SMAD3: variants seen among roughly 807,000 people sequenced by gnomAD.
SMAD3 encodes MAD homolog 3.
SMAD3 carries 12 observed loss-of-function variants against 51.8 expected under a neutral mutation model. That is an observed-to-expected ratio of 0.23 (90% CI 0.15 to 0.38). SMAD3 has a LOEUF of 0.38. SMAD3 is among the 10% of genes least tolerant of loss of function. The pLI, the probability that SMAD3 is intolerant of heterozygous loss-of-function variation, is 1.00. For missense variants in SMAD3, 294 were observed against 565.6 expected, an observed-to-expected ratio of 0.52 and a Z score of 4.87; for synonymous variants, 238 against 227.7, an observed-to-expected ratio of 1.05 and a Z score of -0.41.
intron 1 of SMAD3, among the ~76,000 whole-genome samples, chr15:67,161,444 T>C (rs1962429034): frequency 6.6e-6 from 1 of 152,188 alleles, no homozygotes. Context: ...CACAGCCCCA[T>C]TCTCCCCCGC....
At chr15:67,093,306 C>G (rs1350353010) in intron 1 of SMAD3, among the ~76,000 whole-genome samples, 2 of 152,186 alleles carry the variant, frequency 1.3e-5, no homozygotes, top group African/African-American at 2.4e-5. Context: ...CCTTGAACAC[C>G]TTAGCGGGCC....
At chr15:67,143,177 T>G (rs1237653737) in intron 1 of SMAD3, 2 of 181,290 alleles carry the variant, frequency 1.1e-5, no homozygotes, top group Non-Finnish European at 2.4e-5. Flanking sequence ...TCTGTATGAT[T>G]ATTTTTTGCA....
At chr15:67,134,664 T>G (rs1385203511) in intron 1 of SMAD3, among the ~76,000 whole-genome samples, 1 of 152,210 alleles carries the variant, frequency 6.6e-6, no homozygotes, top group Non-Finnish European at 1.5e-5. Flanking sequence ...TACCACATAC[T>G]GTGGGTGTTG....
At chr15:67,107,965 TC>T (rs138958033) in intron 1 of SMAD3, among the ~76,000 whole-genome samples, 1 of 124,640 alleles carries the variant, frequency 8.0e-6, no homozygotes, top group South Asian at 2.8e-4. Context: ...TGCTCTCCTC[TC>T]CCCCCCACCC....
intron 1 of SMAD3, among the ~76,000 whole-genome samples, chr15:67,068,359 T>A (rs1257596507): frequency 6.6e-6 from 1 of 152,184 alleles, no homozygotes; most frequent in East Asian, 1.9e-4. Context: ...TGTGGATCTT[T>A]GTATGTGCGG....
chr15:67,077,793 G>C (rs527635436), intron 1 of SMAD3, among the ~76,000 whole-genome samples: 1 of 152,204 alleles, frequency 6.6e-6, no homozygotes, highest in East Asian at 1.9e-4. Context: ...ATCTAGGGAA[G>C]GCAAGACAGT....
chr15:67,182,998 A>ATATATAT (rs1444218521), intron 6 of SMAD3, among the ~76,000 whole-genome samples: 17 of 49,030 alleles, frequency 3.5e-4, no homozygotes, highest in African/African-American at 6.2e-4. Flanking sequence ...AAAAAAAAAA[A>ATATATAT]AAATATATAT....
chr15:67,164,877 C>T lies in SMAD3; in HGVS notation c.207-18C>T, dbSNP rs1340143711. Reference sequence around the variant, plus strand: ...AATCCACATTTCCCTCTCTTTCTGCCCCTCCCCGTCCTGGCAGGTCCCTGG... The same window carrying T: ...AATCCACATTTCCCTCTCTTTCTGCTCCTCCCCGTCCTGGCAGGTCCCTGG... On this transcript the variant is annotated intron_variant, in intron 1 of 8. Coordinates refer to ENST00000327367, the MANE Select transcript of SMAD3 (RefSeq NM_005902.4). 5 of 1,612,234 alleles carry T rather than the reference C, an allele frequency of 3.1e-6. No homozygotes were observed. The highest frequency in any genetic ancestry group is 4.5e-5 in the East Asian group (2 of 44,890).
chr15:67,184,992 T>A, intron 7 of SMAD3, 128 bp downstream of exon 7: 1 of 1,232,958 alleles, frequency 8.1e-7, no homozygotes. Flanking sequence ...CTGGAGGTGA[T>A]TGGATTAGGT....
At chr15:67,111,257 TG>T (rs1391739819) in intron 1 of SMAD3, among the ~76,000 whole-genome samples, 1 of 152,260 alleles carries the variant, frequency 6.6e-6, no homozygotes, top group African/African-American at 2.4e-5. Context: ...TGTGGACTTT[TG>T]TGTTTGACTT....
intron 1 of SMAD3, among the ~76,000 whole-genome samples, chr15:67,080,389 T>C (rs959971110): frequency 6.6e-6 from 1 of 151,722 alleles, no homozygotes; most frequent in African/African-American, 2.4e-5. Flanking sequence ...GGAAAGGAGG[T>C]GGAGGTCAAG....
rs5813430 is a variant in SMAD3, at chr15:67,178,673, A to ATTT, written c.659-2558_659-2556dup. The stretch of plus-strand genomic sequence containing the variant: ...CTCTGAATGCTTGGGTTGCACTTGG[A>ATTT]TTTTTTTTTTTTAAGTTTCCAAATC... On this transcript the variant is annotated intron_variant, in intron 5 of 8. Transcript: ENST00000327367. Among the ~76,000 whole-genome samples the ATTT allele has an allele frequency of 1.5e-4, 22 of 149,194 alleles. 1 individual carries two copies. The highest frequency in any genetic ancestry group is 4.9e-4 in the African/African-American group (20 of 40,840).
intron 5 of SMAD3, among the ~76,000 whole-genome samples, chr15:67,178,843 C>G (rs1371308613): frequency 3.3e-5 from 5 of 152,168 alleles, no homozygotes; most frequent in Non-Finnish European, 7.3e-5. Flanking sequence ...CGCAGCTGCT[C>G]CTGGCCCTGT....
chr15:67,166,535 A>C (rs770794357), intron 3 of SMAD3: 8 of 592,640 alleles, frequency 1.3e-5, no homozygotes, highest in Middle Eastern at 4.6e-4. Flanking sequence ...AGGAGTACAC[A>C]TTTCAGACTT....
chr15:67,118,783 A>G (rs1429697420), intron 1 of SMAD3, among the ~76,000 whole-genome samples: 1 of 152,172 alleles, frequency 6.6e-6, no homozygotes, highest in Non-Finnish European at 1.5e-5. Flanking sequence ...TGTCTTTGCC[A>G]TGGTGCCTTC....
At chr15:67,155,727 G>A (rs1485646990) in intron 1 of SMAD3, among the ~76,000 whole-genome samples, 2 of 152,130 alleles carry the variant, frequency 1.3e-5, no homozygotes, top group South Asian at 2.1e-4. Context: ...GGTGGCTCAC[G>A]CCTGTAATCC....
rs943115007 is a variant in SMAD3 at position 67,138,158 on chromosome 15, G to A, written c.207-26737G>A. ...CTTTCTTGAACTCGTCTCCCCACCCGTCCACAGGGTTGCTGGCCAGAGATC... is the reference window on the plus strand; with the variant it reads ...CTTTCTTGAACTCGTCTCCCCACCCATCCACAGGGTTGCTGGCCAGAGATC... On this transcript the variant is annotated intron_variant, in intron 1 of 8. Coordinates refer to ENST00000327367, the MANE Select transcript of SMAD3 (RefSeq NM_005902.4). 280 of 1,300,210 alleles carry A rather than the reference G, an allele frequency of 2.2e-4. 1 individual carries two copies. Among genetic ancestry groups the A allele is most frequent in the Admixed American group, 1.3e-3 (66 of 50,546 alleles). The allele number at this position is 1,300,210 out of a possible 1,614,324, so 80.5% of individuals were successfully genotyped here. A position where few individuals can be genotyped will look rare whatever the true frequency, so the allele number is the denominator to read the frequency against.
At chr15:67,080,258 G>C (rs146705842) in intron 1 of SMAD3, among the ~76,000 whole-genome samples, 128 of 152,322 alleles carry the variant, frequency 8.4e-4, no homozygotes, top group Middle Eastern at 3.4e-3. Context: ...GCAACAAGTT[G>C]GCAATGTAAT....
chr15:67,119,324 G>A lies in SMAD3; in HGVS notation c.207-45571G>A, dbSNP rs143225791. Reference sequence around the variant, plus strand: ...ACCTGGAGGCCACTAGGTGACCTTAGCAAGGGCAGTCATGATGGAGTGTTG... The same window carrying A: ...ACCTGGAGGCCACTAGGTGACCTTAACAAGGGCAGTCATGATGGAGTGTTG... On this transcript the variant is annotated intron_variant, in intron 1 of 8. Coordinates refer to ENST00000327367, the MANE Select transcript of SMAD3 (RefSeq NM_005902.4). Among the ~76,000 whole-genome samples the A allele has an allele frequency of 7.1e-3, 1,081 of 152,336 alleles. 17 individuals carry two copies. Among genetic ancestry groups the A allele is most frequent in the Middle Eastern group, 0.017 (5 of 294 alleles).
Sources: gnomAD v4.1 joint callset for allele counts (sites outside exome capture counted in the v4.1 genomes callset) on GRCh38, gnomAD v4.1.1 for gene constraint, MANE v1.5 for transcripts, NCBI Gene and HGNC (gene_info 2026-07-23, HGNC 2026-07-21) for gene names.